Variants in ZNF385B observed in about 807,000 individuals in gnomAD.
ZNF385B encodes the protein zinc finger protein 385B.
ZNF385B carries 23 observed loss-of-function variants against 39.2 expected under a neutral mutation model. That is an observed-to-expected ratio of 0.59 (90% confidence interval 0.42 to 0.83). The LOEUF (loss-of-function observed/expected upper bound fraction) is 0.83. Among genes scored for constraint, ZNF385B ranks in the 40% least tolerant of loss-of-function variants. The probability of loss-of-function intolerance (pLI) is 0.00; values close to 1 mark genes in which losing one functional copy is unlikely to be tolerated. For missense variants in ZNF385B, 552 were observed against 598.9 expected, an observed-to-expected ratio of 0.92 and a Z score of 0.82; for synonymous variants, 205 against 222.6, an observed-to-expected ratio of 0.92 and a Z score of 0.70.
At chr2:179,451,300 A>G (rs2050128173) in intron 6 of ZNF385B, among the ~76,000 whole-genome samples, 1 of 151,580 alleles carries the variant, frequency 6.6e-6, no homozygotes, top group Non-Finnish European at 1.5e-5. Flanking sequence ...ATGAGTGGGA[A>G]GTGAATGGTT....
chr2:179,580,832 C>T (rs190261396), intron 3 of ZNF385B, among the ~76,000 whole-genome samples: 167 of 152,296 alleles, frequency 1.1e-3, no homozygotes, highest in African/African-American at 3.8e-3. Context: ...CATGTTCATC[C>T]GTCACATTGC....
At chr2:179,547,808 G>C (rs1182423219) in intron 3 of ZNF385B, among the ~76,000 whole-genome samples, 1 of 149,432 alleles carries the variant, frequency 6.7e-6, no homozygotes. Flanking sequence ...ATTGCTTTGG[G>C]TAGTATGGAC....
chr2:179,624,629 G>T (rs868128761), intron 3 of ZNF385B, among the ~76,000 whole-genome samples: 1 of 152,162 alleles, frequency 6.6e-6, no homozygotes, highest in African/African-American at 2.4e-5. Context: ...ATTCCCATGT[G>T]CTTTGAAACT....
chr2:179,545,431 C>A (rs1160340170), intron 3 of ZNF385B, among the ~76,000 whole-genome samples: 3 of 152,032 alleles, frequency 2.0e-5, no homozygotes, highest in East Asian at 1.9e-4. Flanking sequence ...AAAAAGAAAA[C>A]TTGAACCTGT....
chr2:179,484,023 A>G (rs539743033), intron 5 of ZNF385B, among the ~76,000 whole-genome samples: 1 of 152,320 alleles, frequency 6.6e-6, no homozygotes, highest in African/African-American at 2.4e-5. Context: ...TAAGCCACAA[A>G]GGAGGTAGGA....
chr2:179,827,266 T>C (rs1221897201), intron 1 of ZNF385B, among the ~76,000 whole-genome samples: 1 of 152,082 alleles, frequency 6.6e-6, no homozygotes, highest in African/African-American at 2.4e-5. Flanking sequence ...GACAGTGTGA[T>C]AGGGAGGGTT....
intron 3 of ZNF385B, among the ~76,000 whole-genome samples, chr2:179,692,842 C>T (rs1698455921): frequency 6.6e-6 from 1 of 152,158 alleles, no homozygotes; most frequent in Admixed American, 6.5e-5. Flanking sequence ...TTCCTCCTTG[C>T]CCCTTCTGTT....
intron 1 of ZNF385B, among the ~76,000 whole-genome samples, chr2:179,855,894 G>A (rs1312332170): frequency 6.6e-6 from 1 of 152,152 alleles, no homozygotes; most frequent in Non-Finnish European, 1.5e-5. Context: ...GAAAGCCAAG[G>A]AAGTTAAGTA....
chr2:179,676,849 C>T (rs1239348427), intron 3 of ZNF385B, among the ~76,000 whole-genome samples: 1 of 152,124 alleles, frequency 6.6e-6, no homozygotes, highest in Non-Finnish European at 1.5e-5. Context: ...GCCAAGGATG[C>T]TGCTAAACAT....
intron 6 of ZNF385B, 139 bp from the exon 7 acceptor site, chr2:179,446,909 T>G (rs2049558016): frequency 1.8e-6 from 2 of 1,082,032 alleles, no homozygotes; most frequent in Non-Finnish European, 1.3e-6. Context: ...TTTATAGAGG[T>G]TAAATCAACC....
Position 179,486,021 on chromosome 2 carries a change from A to G in ZNF385B, c.553-2587T>C, listed in dbSNP as rs866309975. On this transcript the variant is annotated intron_variant, in intron 5 of 9. Transcript: ENST00000410066. ...TGTTGTTCTCTGTCAAGTTGGAAAA[A>G]AAAATAATCACGTGGGGAGAAAAGT... Among the ~76,000 whole-genome samples the G allele has an allele frequency of 3.3e-5, 5 of 152,278 alleles. No homozygotes were observed. In the South Asian group the frequency reaches 1.0e-3, roughly 32 times the overall value.
intron 9 of ZNF385B, among the ~76,000 whole-genome samples, 155 bp downstream of exon 9, chr2:179,444,721 G>GA (rs1186200240): frequency 6.6e-6 from 1 of 152,162 alleles, no homozygotes; most frequent in Non-Finnish European, 1.5e-5. Context: ...CCTATAGCAG[G>GA]AACTAAGCAG....
intron 1 of ZNF385B, among the ~76,000 whole-genome samples, chr2:179,783,484 G>T (rs1161711173): frequency 1.3e-5 from 2 of 152,128 alleles, no homozygotes; most frequent in African/African-American, 4.8e-5. Flanking sequence ...TGCCAAGTGG[G>T]ATCTAATTAA....
At chr2:179,477,880 A>G (rs906731097) in intron 6 of ZNF385B, among the ~76,000 whole-genome samples, 3 of 152,218 alleles carry the variant, frequency 2.0e-5, no homozygotes, top group Non-Finnish European at 2.9e-5. Context: ...TATCAATGAA[A>G]CAAAGCCTTG....
chr2:179,816,193 C>G (rs1159427285), intron 1 of ZNF385B, among the ~76,000 whole-genome samples: 3 of 152,162 alleles, frequency 2.0e-5, no homozygotes, highest in African/African-American at 4.8e-5. Flanking sequence ...GGCTAAAAAC[C>G]TTGGAATCAT....
chr2:179,499,709 C>A (rs2056583197), intron 5 of ZNF385B, among the ~76,000 whole-genome samples: 1 of 151,904 alleles, frequency 6.6e-6, no homozygotes, highest in African/African-American at 2.4e-5. Flanking sequence ...AACTTAAAAC[C>A]TTTCCTCTAA....
intron 5 of ZNF385B, among the ~76,000 whole-genome samples, chr2:179,487,158 G>A (rs749695118): frequency 5.9e-5 from 9 of 152,328 alleles, no homozygotes; most frequent in East Asian, 1.9e-4. Flanking sequence ...AGTTAACAGC[G>A]TCAATTAACA....
chr2:179,695,476 T>A (rs1698668981), intron 3 of ZNF385B, among the ~76,000 whole-genome samples: 1 of 152,062 alleles, frequency 6.6e-6, no homozygotes, highest in African/African-American at 2.4e-5. Context: ...ATAAAGGTAT[T>A]ATATATTTAT....
intron 1 of ZNF385B, among the ~76,000 whole-genome samples, chr2:179,804,567 C>G (rs1575522178): frequency 6.6e-6 from 1 of 152,258 alleles, no homozygotes; most frequent in Middle Eastern, 3.4e-3. Flanking sequence ...AGGTATGTGA[C>G]CATGTGCAAG....
Sources: gnomAD v4.1 joint callset for allele counts (sites outside exome capture counted in the v4.1 genomes callset) on GRCh38, gnomAD v4.1.1 for gene constraint, MANE v1.5 for transcripts, NCBI Gene and HGNC (gene_info 2026-07-23, HGNC 2026-07-21) for gene names.